CNTNAP2: variants seen among roughly 807,000 people sequenced by gnomAD.
CNTNAP2 encodes the protein contactin associated protein 2, also known as contactin-associated protein-like 2.
Under a neutral mutation model 155.2 loss-of-function variants are expected in CNTNAP2, and 98 were observed. The ratio of observed to expected loss-of-function variants is 0.63; its 90% confidence interval spans 0.54 to 0.75. The LOEUF (loss-of-function observed/expected upper bound fraction) is 0.75. CNTNAP2 is among the 30% of genes least tolerant of loss of function. CNTNAP2 has a pLI of 0.00. For synonymous variants in CNTNAP2, 651 were observed against 631.2 expected (o/e 1.03, Z -0.47); for missense variants, 1,727 against 1,688.1 (o/e 1.02, Z -0.40).
chr7:146,711,632 A>G (rs1037761160), intron 1 of CNTNAP2, among the ~76,000 whole-genome samples: 11 of 149,094 alleles, frequency 7.4e-5, no homozygotes, highest in African/African-American at 2.2e-4. Flanking sequence ...ACCATTTCAG[A>G]CTGGAAGTCA....
At chr7:147,184,215 T>C (rs1264343786) in intron 8 of CNTNAP2, among the ~76,000 whole-genome samples, 1 of 152,176 alleles carries the variant, frequency 6.6e-6, no homozygotes, top group Non-Finnish European at 1.5e-5. Context: ...GGAAATACTT[T>C]ACTTTGAAAC....
At chr7:146,744,223 G>C (rs1801770149) in intron 1 of CNTNAP2, among the ~76,000 whole-genome samples, 1 of 66,186 alleles carries the variant, frequency 1.5e-5, no homozygotes, top group Admixed American at 2.4e-4. Context: ...GTGACACTCT[G>C]TCTCAAAAAA....
chr7:146,645,265 G>A (rs1036234439), intron 1 of CNTNAP2, among the ~76,000 whole-genome samples: 5 of 152,152 alleles, frequency 3.3e-5, no homozygotes, highest in African/African-American at 1.2e-4. Context: ...CATGGCTATG[G>A]TTGCCATTCG....
At chr7:148,045,423 G>A (rs893392190) in intron 15 of CNTNAP2, among the ~76,000 whole-genome samples, 1 of 151,936 alleles carries the variant, frequency 6.6e-6, no homozygotes, top group African/African-American at 2.4e-5. Flanking sequence ...AGTCCATGCA[G>A]CGGGAGGGGT....
chr7:148,166,837 T>C (rs7795706), intron 17 of CNTNAP2, among the ~76,000 whole-genome samples: 2,918 of 152,314 alleles, frequency 0.019, 93 homozygotes, highest in African/African-American at 0.066. Context: ...TTTAAACTTA[T>C]GACGTTTGTC....
At position 146,600,674 on chromosome 7, in the gene CNTNAP2, T is replaced by C. The variant is rs145889301; in HGVS notation, c.98-173597T>C. On this transcript the variant is annotated intron_variant, in intron 1 of 23. Coordinates refer to ENST00000361727, the MANE Select transcript of CNTNAP2 (RefSeq NM_014141.6). ...CTGTACCTTTTTAGTACTTGTATTG[T>C]TGCATCGCTGAATACACAATATAAT... 5.8e-4 allele frequency among the ~76,000 whole-genome samples: 88 copies of C among 152,296 alleles called. No homozygotes were observed. The East Asian group carries it at 0.015, about 25-fold the overall frequency.
At position 147,931,044 on chromosome 7, in the gene CNTNAP2, C is replaced by T. The variant is rs200203862; in HGVS notation, c.2255+27323C>T. ...CAAAATGAATGCAATACAGCAAAAG[C>T]AATTTTGAAAGAGAAATGTATAGTA... is the stretch of plus-strand genomic sequence containing the variant. On this transcript the variant is annotated intron_variant, in intron 14 of 23. Transcript: ENST00000361727. Among the ~76,000 whole-genome samples the T allele has an allele frequency of 1.9e-3, 293 of 151,716 alleles. 2 individuals are homozygous for T. The highest frequency in any genetic ancestry group is 6.9e-3 in the African/African-American group (285 of 41,398).
chr7:147,857,698 G>T (rs576276166), intron 13 of CNTNAP2, among the ~76,000 whole-genome samples: 1 of 152,258 alleles, frequency 6.6e-6, no homozygotes, highest in East Asian at 1.9e-4. Flanking sequence ...CCTCTAAGAA[G>T]TACAGCCCAT....
chr7:148,151,117 A>G (rs2116658041), intron 17 of CNTNAP2, among the ~76,000 whole-genome samples: 1 of 152,300 alleles, frequency 6.6e-6, no homozygotes, highest in East Asian at 1.9e-4. Flanking sequence ...TGTGTGGTTA[A>G]CAATATGGTC....
chr7:146,216,233 C>A (rs1476842524), intron 1 of CNTNAP2, among the ~76,000 whole-genome samples: 3 of 152,082 alleles, frequency 2.0e-5, no homozygotes. Flanking sequence ...CAGGGGTTGG[C>A]TTTCTCTTGG....
chr7:148,258,116 AGAGGT>A, intron 20 of CNTNAP2, among the ~76,000 whole-genome samples: 1 of 152,360 alleles, frequency 6.6e-6, no homozygotes, highest in East Asian at 1.9e-4. Flanking sequence ...CCGAAAGTCC[AGAGGT>A]GAGGTGTTAG....
intron 3 of CNTNAP2, among the ~76,000 whole-genome samples, chr7:146,942,926 G>A (rs1187498817): frequency 1.3e-5 from 2 of 152,030 alleles, no homozygotes. Flanking sequence ...ACATTGAAAT[G>A]TTTCTATTAC....
intron 3 of CNTNAP2, among the ~76,000 whole-genome samples, chr7:146,986,866 T>C (rs1798122700): frequency 6.6e-6 from 1 of 152,220 alleles, no homozygotes; most frequent in Non-Finnish European, 1.5e-5. Flanking sequence ...TTCGTTTTTT[T>C]CTAGGCTGCC....
intron 1 of CNTNAP2, among the ~76,000 whole-genome samples, chr7:146,709,151 C>G (rs1488907173): frequency 1.3e-5 from 2 of 151,876 alleles, no homozygotes; most frequent in Non-Finnish European, 2.9e-5. Flanking sequence ...CATTTTTTTC[C>G]ATATTATAGA....
At chr7:147,195,898 T>C (rs531307564) in intron 8 of CNTNAP2, among the ~76,000 whole-genome samples, 3 of 152,288 alleles carry the variant, frequency 2.0e-5, no homozygotes, top group African/African-American at 7.2e-5. Flanking sequence ...CCACAACATT[T>C]ATATTAAAGG....
At chr7:147,558,701 C>G (rs879438693) in intron 11 of CNTNAP2, among the ~76,000 whole-genome samples, 141 of 13,476 alleles carry the variant, frequency 0.01, no homozygotes, top group African/African-American at 0.046. Context: ...TCGTTCTTTC[C>G]TTCCTTCCTT....
At chr7:147,476,773 C>T (rs1798327550) in intron 10 of CNTNAP2, among the ~76,000 whole-genome samples, 1 of 151,820 alleles carries the variant, frequency 6.6e-6, no homozygotes, top group Non-Finnish European at 1.5e-5. Flanking sequence ...ACTAAAAATA[C>T]AAAAATTAGC....
chr7:147,108,462 T>C, intron 5 of CNTNAP2, 112 bp downstream of exon 5: 1 of 921,452 alleles, frequency 1.1e-6, no homozygotes, highest in Non-Finnish European at 1.6e-6. Flanking sequence ...TCATGTTATA[T>C]TTCAATTCAT....
chr7:148,076,621 C>T (rs1410086503), intron 15 of CNTNAP2, among the ~76,000 whole-genome samples: 1 of 151,238 alleles, frequency 6.6e-6, no homozygotes, highest in Non-Finnish European at 1.5e-5. Context: ...ATTTTTAGTA[C>T]AGACGGGGTT....
Sources: allele counts gnomAD v4.1 joint callset (sites outside exome capture counted in the v4.1 genomes callset), GRCh38; gene constraint gnomAD v4.1.1; transcripts MANE v1.5; gene names NCBI Gene and HGNC (gene_info 2026-07-23, HGNC 2026-07-21).